TBC1D20: variants seen among roughly 807,000 people sequenced by gnomAD.
TBC1D20 encodes TBC1 domain family member 20.
Under a neutral mutation model 41.6 loss-of-function variants are expected in TBC1D20, and 12 were observed. The observed-to-expected ratio is 0.29, with a 90% confidence interval of 0.18 to 0.47. The LOEUF is 0.47. Ranked by LOEUF, TBC1D20 falls within the 20% of genes least tolerant of loss-of-function variation. The pLI, the probability that TBC1D20 is intolerant of heterozygous loss-of-function variation, is 1.00. For synonymous variants in TBC1D20, 205 were observed against 204.8 expected (o/e 1.00, Z -0.01); for missense variants, 421 against 517.4 (o/e 0.81, Z 1.81).
chr20:457,523 T>C (rs1340010378), intron 1 of TBC1D20, among the ~76,000 whole-genome samples: 3 of 152,210 alleles, frequency 2.0e-5, no homozygotes, highest in Non-Finnish European at 4.4e-5. Context: ...CACTGGGCTC[T>C]GGTACGTTCT....
At chr20:451,789 G>A (rs2017446049) in intron 1 of TBC1D20, among the ~76,000 whole-genome samples, 1 of 152,036 alleles carries the variant, frequency 6.6e-6, no homozygotes, top group Non-Finnish European at 1.5e-5. Context: ...GCACAGTCAT[G>A]GCTCACTGCA....
At position 448,035 on chromosome 20, in the gene TBC1D20, T is replaced by A. The variant is rs778235577; in HGVS notation, c.110A>T (p.His37Leu). The change falls in exon 2 of 8, where the codon CAC becomes CTC. Residue 37 changes from histidine to leucine, a missense_variant. Transcript: ENST00000354200. The part of the protein sequence containing the change: ...AKRKKKVAEI[H>L]QALNSDPTDV... ...AGTGGGATCACTGTTCAGAGCCTGGTGTATCTCTGCCACTTTCTTTTTCCT... is the reference window on the plus strand; with the variant it reads ...AGTGGGATCACTGTTCAGAGCCTGGAGTATCTCTGCCACTTTCTTTTTCCT... The A allele has an allele frequency of 1.9e-6, 3 of 1,613,924 alleles. No individual in the cohort carries two copies. In the African/African-American group the frequency reaches 4.0e-5, roughly 22 times the overall value.
rs1404147591 is a variant in TBC1D20 at position 462,426 on chromosome 20, C to A, written c.-21G>T. 8.4e-7 allele frequency: 1 copy of A among 1,197,580 alleles called. No individual in the cohort carries two copies. The highest frequency in any genetic ancestry group is 1.0e-6 in the Non-Finnish European group (1 of 956,754). The allele number at this position is 1,197,580 out of a possible 1,614,324, so 74.2% of individuals were successfully genotyped here. ...GCCATGCCCCGGGGCCCCGGGCCCC[C>A]ACCCGAGCCCCGGCTGGTGGCGGAG... On this transcript the variant is annotated 5_prime_UTR_variant, in exon 1 of 8. Coordinates refer to ENST00000354200, the MANE Select transcript of TBC1D20 (RefSeq NM_144628.4).
intron 1 of TBC1D20, among the ~76,000 whole-genome samples, chr20:458,241 A>AAAC (rs1214861276): frequency 6.6e-6 from 1 of 152,128 alleles, no homozygotes; most frequent in Non-Finnish European, 1.5e-5. Flanking sequence ...ATTTGCCAGA[A>AAAC]TGTTACTTAA....
chr20:440,448 G>C, intron 5 of TBC1D20, 59 bp from the exon 6 acceptor site: 2 of 1,595,184 alleles, frequency 1.3e-6, no homozygotes, highest in Non-Finnish European at 1.7e-6. Flanking sequence ...CCTCTCTCTG[G>C]GCCTTATAGC....
At chr20:461,747 G>A (rs1042604999) in intron 1 of TBC1D20, among the ~76,000 whole-genome samples, 28 of 152,356 alleles carry the variant, frequency 1.8e-4, no homozygotes, top group African/African-American at 6.7e-4. Context: ...CGTGAATACC[G>A]GGGAACGCGG....
At chr20:453,619 T>TA (rs1230298035) in intron 1 of TBC1D20, among the ~76,000 whole-genome samples, 12 of 136,552 alleles carry the variant, frequency 8.8e-5, no homozygotes, top group African/African-American at 3.4e-4. Context: ...AATCTCGGCT[T>TA]ACTGCAACCT....
chr20:438,866 AG>A, intron 7 of TBC1D20, 25 bp from the exon 8 acceptor site: 7 of 1,608,842 alleles, frequency 4.4e-6, no homozygotes, highest in Non-Finnish European at 6.0e-6. Context: ...GACGGAAGGA[AG>A]GAAGTGGTAT....
intron 5 of TBC1D20, 126 bp downstream of exon 5, chr20:441,462 G>T (rs929946269): frequency 1.3e-6 from 1 of 790,392 alleles, no homozygotes; most frequent in Non-Finnish European, 2.1e-6. Context: ...TGGAACAACT[G>T]GGGAGAACTT....
In TBC1D20 at chr20:462,498, C is replaced by A. The variant is rs2017654269; in HGVS notation, c.-93G>T. 5.6e-6 allele frequency: 4 copies of A among 710,600 alleles called. No homozygotes were observed. Among genetic ancestry groups the A allele is most frequent in the Non-Finnish European group, 7.4e-6 (4 of 540,736 alleles). The allele number at this position is 710,600 out of a possible 1,614,324, so 44.0% of individuals were successfully genotyped here. On this transcript the variant is annotated 5_prime_UTR_variant, in exon 1 of 8. The change abolishes an upstream ATG in the 5' untranslated region. Transcript: ENST00000354200. ...ACCGCGGGACGTAGCACCCGCTCGG[C>A]ATCGGCAGGCTCCCCTCCGTCGGCC...
At position 438,811 on chromosome 20, in the gene TBC1D20, C is replaced by T; in HGVS notation, c.987G>A (p.Glu329=). ...RTAASTFKDF[E]LASAQQRPDM... ...CAGGCCTCTGCTGGGCTGATGCCAG[C>T]TCAAAGTCTTTGAAAGTAGAGGCTG... The change falls in exon 8 of 8, where the codon GAG becomes GAA. Residue 329 remains glutamate (E), a synonymous_variant. Transcript: ENST00000354200. 1.2e-6 allele frequency: 2 copies of T among 1,614,064 alleles called. No individual in the cohort carries two copies. Among genetic ancestry groups the T allele is most frequent in the African/African-American group, 1.3e-5 (1 of 75,046 alleles).
chr20:457,775 G>C (rs1469782963), intron 1 of TBC1D20, among the ~76,000 whole-genome samples: 1 of 152,224 alleles, frequency 6.6e-6, no homozygotes, highest in Non-Finnish European at 1.5e-5. Flanking sequence ...AGGAAGACAG[G>C]GAGGGATTTT....
At chr20:454,798 G>T (rs6052112) in intron 1 of TBC1D20, among the ~76,000 whole-genome samples, 5 of 151,712 alleles carry the variant, frequency 3.3e-5, no homozygotes, top group African/African-American at 4.8e-5. Context: ...CAGCCTCCCA[G>T]GTAGCCAGGA....
intron 1 of TBC1D20, among the ~76,000 whole-genome samples, chr20:452,691 G>A (rs1466558500): frequency 2.0e-5 from 3 of 152,194 alleles, no homozygotes; most frequent in Admixed American, 6.5e-5. Flanking sequence ...TAGGTGCAAG[G>A]CACCAGAGTT....
Position 439,074 on chromosome 20 carries a change from A to G in TBC1D20, c.956+34T>C. The G allele has an allele frequency of 6.3e-7, 1 of 1,582,966 alleles. No homozygotes were observed. Among genetic ancestry groups the G allele is most frequent in the Non-Finnish European group, 8.6e-7 (1 of 1,164,244 alleles). On this transcript the variant is annotated intron_variant, in intron 7 of 7. Transcript: ENST00000354200. The surrounding 1 kb of genome is among the most constrained non-coding windows in gnomAD (Gnocchi z 4.6). ...CCCTCGCTTCTGCTCATTTACAGCC[A>G]CCCCCATTCAACCAGTGTCCCAGCC...
In TBC1D20 at chr20:438,556, G is replaced by T; in HGVS notation, c.*30C>A. On this transcript the variant is annotated 3_prime_UTR_variant, in exon 8 of 8. Transcript: ENST00000354200. ...TTCCATGGAAGGGTGAGACCTTAAT[G>T]TGATGTAAGAGGAAGGTCTTCTCTG... 1 of 1,609,528 alleles carries T rather than the reference G, an allele frequency of 6.2e-7. No individual in the cohort carries two copies.
intron 1 of TBC1D20, among the ~76,000 whole-genome samples, chr20:453,568 C>T (rs1298235347): frequency 1.1e-5 from 1 of 89,662 alleles, no homozygotes; most frequent in African/African-American, 5.2e-5. Context: ...TTTTTTGAGA[C>T]GGAGTCTCGC....
rs779740778 is a variant in TBC1D20, at chr20:439,070, A to AGGC, written c.956+37_956+38insGCC. Reference sequence around the variant, plus strand: ...CCTTCCCTCGCTTCTGCTCATTTACAGCCACCCCCATTCAACCAGTGTCCC... The same window carrying AGGC: ...CCTTCCCTCGCTTCTGCTCATTTACAGGCGCCACCCCCATTCAACCAGTGTCCC... On this transcript the variant is annotated intron_variant, in intron 7 of 7. Coordinates refer to ENST00000354200, the MANE Select transcript of TBC1D20 (RefSeq NM_144628.4). The surrounding 1 kb of genome is among the most constrained non-coding windows in gnomAD (Gnocchi z 4.6). The AGGC allele has an allele frequency of 7.0e-6, 11 of 1,579,996 alleles. No homozygotes were observed. The highest frequency in any genetic ancestry group is 1.3e-5 in the African/African-American group (1 of 74,098).
Position 438,823 on chromosome 20 carries a change from G to C in TBC1D20, c.975C>G (p.Phe325Leu). The change falls in exon 8 of 8, where the codon TTC becomes TTG. Residue 325 changes from phenylalanine to leucine, a missense_variant. Around this residue, in one of 3 missense-constraint regions of TBC1D20, gnomAD observed 161 missense variants for 182.7 expected, o/e 0.88. Coordinates refer to ENST00000354200, the MANE Select transcript of TBC1D20 (RefSeq NM_144628.4). ...GGGCTGATGCCAGCTCAAAGTCTTT[G>C]AAAGTAGAGGCTGCCGTCCTGCAGG... The part of the protein sequence containing the change: ...QQAERTAAST[F>L]KDFELASAQQ... 6.8e-6 allele frequency: 11 copies of C among 1,613,642 alleles called. No individual in the cohort carries two copies. The highest frequency in any genetic ancestry group is 8.5e-6 in the Non-Finnish European group (10 of 1,179,570).
Sources: gnomAD v4.1 joint callset for allele counts (sites outside exome capture counted in the v4.1 genomes callset) on GRCh38, gnomAD v4.1.1 for gene constraint, gnomAD v4.1.1 regional missense constraint, Gnocchi (gnomAD v3.1) non-coding constraint, MANE v1.5 for transcripts, NCBI Gene and HGNC (gene_info 2026-07-23, HGNC 2026-07-21) for gene names.